KCNH1: variants seen among roughly 807,000 people sequenced by gnomAD.
KCNH1 encodes the protein voltage-gated delayed rectifier potassium channel KCNH1.
A neutral mutation model predicts 69.2 loss-of-function variants in KCNH1; 27 were observed. The observed-to-expected ratio is 0.39, with a 90% CI of 0.29 to 0.54. KCNH1 has a LOEUF of 0.54. Ranked by LOEUF, KCNH1 falls within the 20% of genes least tolerant of loss-of-function variation. The probability of loss-of-function intolerance (pLI) is 0.68; values close to 1 mark genes in which losing one functional copy is unlikely to be tolerated. For missense variants in KCNH1, 798 were observed against 1,261.6 expected, an observed-to-expected ratio of 0.63 and a Z score of 5.57; for synonymous variants, 456 against 487.7, an observed-to-expected ratio of 0.93 and a Z score of 0.86.
At chr1:210,954,969 C>G (rs1029129350) in intron 6 of KCNH1, among the ~76,000 whole-genome samples, 1 of 152,184 alleles carries the variant, frequency 6.6e-6, no homozygotes. Context: ...CTCATGAAGT[C>G]TTTGCCCATG....
At chr1:210,841,374 A>G (rs1303325148) in intron 7 of KCNH1, among the ~76,000 whole-genome samples, 2 of 152,180 alleles carry the variant, frequency 1.3e-5, no homozygotes, top group Non-Finnish European at 2.9e-5. Context: ...AGTTTCTGGG[A>G]TCCTCTACAT....
chr1:210,855,051 C>T (rs1422521569), intron 7 of KCNH1, among the ~76,000 whole-genome samples: 2 of 152,132 alleles, frequency 1.3e-5, no homozygotes, highest in Admixed American at 6.5e-5. Context: ...CACCTGCATA[C>T]AAATGTTTAG....
At chr1:211,048,522 G>A (rs1690134447) in intron 5 of KCNH1, among the ~76,000 whole-genome samples, 1 of 152,076 alleles carries the variant, frequency 6.6e-6, no homozygotes, top group African/African-American at 2.4e-5. Context: ...CCATAAAAAG[G>A]AACCAAATAA....
At chr1:211,033,852 C>T (rs1188548848) in intron 5 of KCNH1, among the ~76,000 whole-genome samples, 2 of 151,788 alleles carry the variant, frequency 1.3e-5, no homozygotes, top group African/African-American at 4.8e-5. Flanking sequence ...CAACATGGCA[C>T]ATGTATACAT....
intron 7 of KCNH1, among the ~76,000 whole-genome samples, chr1:210,849,174 C>T (rs140645520): frequency 9.9e-5 from 15 of 152,092 alleles, no homozygotes; most frequent in African/African-American, 3.6e-4. Context: ...TGTACAGAAT[C>T]CTATAAACAT....
intron 5 of KCNH1, among the ~76,000 whole-genome samples, chr1:211,070,428 A>ACAC (rs1289542011): frequency 0.012 from 1,334 of 114,178 alleles, 8 homozygotes; most frequent in Non-Finnish European, 0.015. Context: ...TAAAAAAAAA[A>ACAC]AAACACACAC....
chr1:210,766,002 G>T (rs1352081358), intron 10 of KCNH1, among the ~76,000 whole-genome samples: 1 of 152,160 alleles, frequency 6.6e-6, no homozygotes, highest in African/African-American at 2.4e-5. Context: ...GGTGGAGGTT[G>T]CAGGGAGCCG....
At chr1:210,844,148 G>A (rs1685484564) in intron 7 of KCNH1, among the ~76,000 whole-genome samples, 1 of 152,026 alleles carries the variant, frequency 6.6e-6, no homozygotes, top group South Asian at 2.1e-4. Flanking sequence ...CTGGGGCAAG[G>A]GAAAAAACAC....
At chr1:210,763,690 T>A (rs958409357) in intron 10 of KCNH1, among the ~76,000 whole-genome samples, 4 of 152,052 alleles carry the variant, frequency 2.6e-5, no homozygotes, top group African/African-American at 9.7e-5. Context: ...GGAAGAACTA[T>A]TAAGCACTAT....
chr1:210,998,608 C>A (rs1035847382), intron 6 of KCNH1, among the ~76,000 whole-genome samples: 4 of 152,166 alleles, frequency 2.6e-5, no homozygotes, highest in African/African-American at 9.7e-5. Context: ...ATCAACAAGA[C>A]AGAAAGTTAA....
intron 10 of KCNH1, among the ~76,000 whole-genome samples, chr1:210,755,325 C>T (rs1319547647): frequency 2.0e-5 from 2 of 98,666 alleles, no homozygotes; most frequent in African/African-American, 8.6e-5. Flanking sequence ...CTGCCTCCAG[C>T]ACCAGTCCAA....
chr1:210,988,896 T>C (rs1319140541), intron 6 of KCNH1, among the ~76,000 whole-genome samples: 1 of 152,234 alleles, frequency 6.6e-6, no homozygotes, highest in African/African-American at 2.4e-5. Flanking sequence ...ATAAATTTCA[T>C]TCACTGAAAT....
chr1:210,899,302 T>C (rs1359544023), intron 7 of KCNH1, among the ~76,000 whole-genome samples: 5 of 152,250 alleles, frequency 3.3e-5, no homozygotes, highest in African/African-American at 1.2e-4. Flanking sequence ...GCTTCATTCA[T>C]TAAGGTAGGG....
intron 7 of KCNH1, among the ~76,000 whole-genome samples, chr1:210,807,632 TA>T (rs967374402): frequency 5.4e-5 from 8 of 149,224 alleles, no homozygotes; most frequent in East Asian, 3.9e-4. Flanking sequence ...AATAAATAAA[TA>T]AATAATAATA....
At chr1:210,954,614 A>C (rs1035276454) in intron 6 of KCNH1, among the ~76,000 whole-genome samples, 1 of 152,102 alleles carries the variant, frequency 6.6e-6, no homozygotes, top group African/African-American at 2.4e-5. Context: ...GCATGAGATG[A>C]TATCTCATTG....
intron 7 of KCNH1, among the ~76,000 whole-genome samples, chr1:210,842,071 C>A (rs1029574651): frequency 1.3e-5 from 2 of 152,150 alleles, no homozygotes; most frequent in East Asian, 3.8e-4. Context: ...TGACCCAACA[C>A]ACACCTACTC....
chr1:210,869,333 C>G (rs1686183749), intron 7 of KCNH1, among the ~76,000 whole-genome samples: 1 of 152,022 alleles, frequency 6.6e-6, no homozygotes, highest in African/African-American at 2.4e-5. Context: ...TTAGCCACTA[C>G]TTGTGATATT....
chr1:210,783,978 A>G (rs532987561), intron 9 of KCNH1, among the ~76,000 whole-genome samples: 11 of 152,250 alleles, frequency 7.2e-5, no homozygotes, highest in Non-Finnish European at 1.5e-4. Context: ...ACTGAAGAGT[A>G]AAATGATGAT....
rs1307502763 is a variant in KCNH1 at position 210,858,933 on chromosome 1, GA to G, written c.1463-54768del. The stretch of plus-strand genomic sequence containing the variant: ...GATCTTACTTTCTTCAAAAAATAAA[GA>G]AAATACACCCCCTAAGGTACCTCCA... On this transcript the variant is annotated intron_variant, in intron 7 of 10. Transcript: ENST00000271751. 5 of 384,902 alleles carry G rather than the reference GA, an allele frequency of 1.3e-5. No individual in the cohort carries two copies. The East Asian group carries it at 2.1e-4, about 16-fold the overall frequency. The allele number at this position is 384,902 out of a possible 1,614,324, so 23.8% of individuals were successfully genotyped here. A position where few individuals can be genotyped will look rare whatever the true frequency, so the allele number is the denominator to read the frequency against.
Sources: gnomAD v4.1 joint callset for allele counts (sites outside exome capture counted in the v4.1 genomes callset) on GRCh38, gnomAD v4.1.1 for gene constraint, MANE v1.5 for transcripts, NCBI Gene and HGNC (gene_info 2026-07-23, HGNC 2026-07-21) for gene names.